The following LBX1 variants were observed in gnomAD, a reference collection of about 807,000 sequenced individuals.
The protein encoded by LBX1 is transcription factor LBX1.
LBX1 carries 6 observed loss-of-function variants against 19.9 expected under a neutral mutation model. That is an observed-to-expected ratio of 0.30 (90% CI 0.17 to 0.60). The LOEUF is 0.60. Among genes scored for constraint, LBX1 ranks in the 20% least tolerant of loss-of-function variants. The probability of loss-of-function intolerance (pLI) is 0.87; values close to 1 mark genes in which losing one functional copy is unlikely to be tolerated. For synonymous variants in LBX1, 190 were observed against 189.3 expected (o/e 1.00, Z -0.03); for missense variants, 344 against 393.7 (o/e 0.87, Z 1.07).
Position 101,228,973 on chromosome 10 carries a change from G to T in LBX1, c.-158C>A. 2 of 254,840 alleles carry T rather than the reference G, an allele frequency of 7.8e-6. No individual in the cohort carries two copies. Among genetic ancestry groups the T allele is most frequent in the South Asian group, 1.5e-4 (1 of 6,892 alleles). 15.8% of individuals were successfully genotyped at this position (254,840 alleles called of 1,614,324 possible). On this transcript the variant is annotated 5_prime_UTR_variant, in exon 1 of 2. Transcript: ENST00000370193. Reference sequence around the variant, plus strand: ...CGGGCGCGGGGCCGATTAGCGCGGCGGCTGAGGAGGGGAGAACAGCGCGGG... The same window carrying T: ...CGGGCGCGGGGCCGATTAGCGCGGCTGCTGAGGAGGGGAGAACAGCGCGGG...
chr10:101,228,840 C>T lies in LBX1; in HGVS notation c.-25G>A. On this transcript the variant is annotated 5_prime_UTR_variant, in exon 1 of 2. Transcript: ENST00000370193. The stretch of plus-strand genomic sequence containing the variant: ...TCTCGGCCTTGTTCGGGGTCCCGGC[C>T]GGGGCGGCTCGGGCCGCGGGGACCC... 1 of 1,430,190 alleles carries T rather than the reference C, an allele frequency of 7.0e-7. No individual in the cohort carries two copies. The highest frequency in any genetic ancestry group is 1.7e-5 in the South Asian group (1 of 60,462). 88.6% of individuals were successfully genotyped at this position (1,430,190 alleles called of 1,614,324 possible).
chr10:101,228,349 C>A (rs1196633497), intron 1 of LBX1, 142 bp downstream of exon 1: 3 of 622,008 alleles, frequency 4.8e-6, no homozygotes, highest in Non-Finnish European at 8.1e-6. Context: ...TCCCACATAT[C>A]TTCACTCCCA....
At position 101,228,676 on chromosome 10, in the gene LBX1, A is replaced by C. The variant is rs1941076411; in HGVS notation, c.140T>G (p.Val47Gly). 1 of 1,606,666 alleles carries C rather than the reference A, an allele frequency of 6.2e-7. No individual in the cohort carries two copies. Among genetic ancestry groups the C allele is most frequent in the African/African-American group, 1.4e-5 (1 of 74,044 alleles). ...CCCGCACAGCGAGTAACTTCTCCGC[A>C]CAGACGGCTTGTTGAGGATGTCCTC... ...SIEDILNKPS[V>G]RRSYSLCGAA... The change falls in exon 1 of 2, where the codon GTG (valine) becomes GGG (glycine). Residue 47 changes from valine to glycine, a missense_variant. Val to Gly is a moderately radical substitution (Grantham distance 109). Transcript: ENST00000370193.
chr10:101,228,760 G>C lies in LBX1; in HGVS notation c.56C>G (p.Pro19Arg), dbSNP rs755002388. Residue 19 changes from proline (P) to arginine (R), a missense_variant, in exon 1 of 2, where the codon CCG (proline) becomes CGG (arginine). Coordinates refer to ENST00000370193, the MANE Select transcript of LBX1 (RefSeq NM_006562.5). ...AAPGEERRRS[P>R]LDHLPPPANS... Reference sequence around the variant, plus strand: ...GGCAGGCGGAGGCAGGTGGTCCAGCGGGCTGCGCCGCCGCTCCTCCCCCGG... The same window carrying C: ...GGCAGGCGGAGGCAGGTGGTCCAGCCGGCTGCGCCGCCGCTCCTCCCCCGG... 6.3e-7 allele frequency: 1 copy of C among 1,599,558 alleles called. No individual in the cohort carries two copies. Among genetic ancestry groups the C allele is most frequent in the South Asian group, 1.1e-5 (1 of 89,174 alleles).
rs1381257628 is a variant in LBX1, at chr10:101,229,195, G to T, written c.-380C>A. ...TTGGAAGAGCCGAGGCGAGGGCGCC[G>T]ATCCCGGACTGCGAGGGAGGCGGAG... On this transcript the variant is annotated 5_prime_UTR_variant, in exon 1 of 2. Transcript: ENST00000370193. The surrounding 1 kb of genome is among the most constrained non-coding windows in gnomAD (Gnocchi z 6.4). 6.5e-6 allele frequency: 1 copy of T among 153,600 alleles called. No homozygotes were observed. The highest frequency in any genetic ancestry group is 1.9e-4 in the East Asian group (1 of 5,228). The allele number at this position is 153,600 out of a possible 1,614,324, so 9.5% of individuals were successfully genotyped here.
In LBX1 at chr10:101,227,209, C is replaced by T; in HGVS notation, c.*61G>A. 2 of 1,528,990 alleles carry T rather than the reference C, an allele frequency of 1.3e-6. No individual in the cohort carries two copies. The highest frequency in any genetic ancestry group is 2.4e-5 in the South Asian group (2 of 83,782). The allele number at this position is 1,528,990 out of a possible 1,614,324, so 94.7% of individuals were successfully genotyped here. A position where few individuals can be genotyped will look rare whatever the true frequency, so the allele number is the denominator to read the frequency against. On this transcript the variant is annotated 3_prime_UTR_variant, in exon 2 of 2. Transcript: ENST00000370193. ...CCCAGCTCCCCTCGGCGGTCCGGTC[C>T]GGGAGGCGTTGGGCTTTCGAGCGCT...
Position 101,227,356 on chromosome 10 carries a change from G to T in LBX1, c.760C>A (p.Pro254Thr), listed in dbSNP as rs1276899630. ...APGAGALQLS[P>T]ASPLTDQPAS... ...GGCTGGTCCGTGAGCGGAGAGGCAG[G>T]CGAGAGCTGCAGGGCGCCAGCGCCC... The change falls in exon 2 of 2, where the codon CCT (proline) becomes ACT (threonine). Residue 254 changes from proline (P) to threonine (T), a missense_variant. Around this residue, in one of 3 missense-constraint regions of LBX1, gnomAD observed 146 missense variants for 124.2 expected, o/e 1.18. Coordinates refer to ENST00000370193, the MANE Select transcript of LBX1 (RefSeq NM_006562.5). 6.2e-7 allele frequency: 1 copy of T among 1,608,382 alleles called. No homozygotes were observed. The highest frequency in any genetic ancestry group is 1.3e-5 in the African/African-American group (1 of 74,600).
At position 101,227,020 on chromosome 10, in the gene LBX1, A is replaced by G. The variant is rs1941050488; in HGVS notation, c.*250T>C. 3 of 420,506 alleles carry G rather than the reference A, an allele frequency of 7.1e-6. No homozygotes were observed. The highest frequency in any genetic ancestry group is 8.4e-6 in the Non-Finnish European group (2 of 239,160). 26.0% of individuals were successfully genotyped at this position (420,506 alleles called of 1,614,324 possible). The stretch of plus-strand genomic sequence containing the variant: ...AGGTTTAAATATTTATATAGAAGCC[A>G]TACAGAATTGCACGGCGAGGGCTTC... On this transcript the variant is annotated 3_prime_UTR_variant, in exon 2 of 2. Coordinates refer to ENST00000370193, the MANE Select transcript of LBX1 (RefSeq NM_006562.5).
rs1368924389 is a variant in LBX1, at chr10:101,228,633, G to C, written c.183C>G (p.Ala61=). ...CGCCCTGCGCGTGCTTGTCCGCGGC[G>C]GCCAGCAGGTGCGCCGCCCCGCACA... The part of the protein sequence containing the change: ...YSLCGAAHLL[A]AADKHAQGGL... The change falls in exon 1 of 2, where the codon GCC becomes GCG. Residue 61 remains alanine (A), a synonymous_variant. Coordinates refer to ENST00000370193, the MANE Select transcript of LBX1 (RefSeq NM_006562.5). 2 of 1,583,308 alleles carry C rather than the reference G, an allele frequency of 1.3e-6. No homozygotes were observed. The highest frequency in any genetic ancestry group is 1.7e-6 in the Non-Finnish European group (2 of 1,166,010).
rs1212049679 is a variant in LBX1, at chr10:101,228,474, C to A, written c.325+17G>T. 2 of 1,540,258 alleles carry A rather than the reference C, an allele frequency of 1.3e-6. No homozygotes were observed. On this transcript the variant is annotated intron_variant, in intron 1 of 1. Transcript: ENST00000370193. ...CGCGAGGCGCTGGGTGCAGGGGAAC[C>A]CAGCAGCTGCGCCTACCTTCGGCTG...
Position 101,228,731 on chromosome 10 carries a change from A to G in LBX1, c.85T>C (p.Ser29Pro), listed in dbSNP as rs1448856637. The change falls in exon 1 of 2, where the codon TCC becomes CCC. Residue 29 changes from serine (S) to proline (P), a missense_variant. Around this residue, in one of 3 missense-constraint regions of LBX1, gnomAD observed 153 missense variants for 168.9 expected, o/e 0.91. Transcript: ENST00000370193. ...PLDHLPPPAN[S>P]NKPLTPFSIE... Reference sequence around the variant, plus strand: ...CTGAACGGCGTCAGTGGCTTGTTGGAGTTGGCAGGCGGAGGCAGGTGGTCC... The same window carrying G: ...CTGAACGGCGTCAGTGGCTTGTTGGGGTTGGCAGGCGGAGGCAGGTGGTCC... 6.2e-7 allele frequency: 1 copy of G among 1,604,842 alleles called. No homozygotes were observed. Among genetic ancestry groups the G allele is most frequent in the South Asian group, 1.1e-5 (1 of 89,758 alleles).
Position 101,227,491 on chromosome 10 carries a change from C to A in LBX1, c.625G>T (p.Ala209Ser). 6.2e-7 allele frequency: 1 copy of A among 1,610,442 alleles called. No individual in the cohort carries two copies. Among genetic ancestry groups the A allele is most frequent in the Non-Finnish European group, 8.5e-7 (1 of 1,177,846 alleles). Residue 209 changes from alanine to serine, a missense_variant, in exon 2 of 2, where the codon GCC (alanine) becomes TCC (serine). Transcript: ENST00000370193. ...PSGQMDIVAL[A>S]ELEQNSEATA... ...GCCTCCGAGTTCTGCTCGAGTTCGG[C>A]CAGCGCCACGATGTCCATCTGCCCG... is the stretch of plus-strand genomic sequence containing the variant.
At position 101,227,496 on chromosome 10, in the gene LBX1, G is replaced by A. The variant is rs141719108; in HGVS notation, c.620C>T (p.Ala207Val). Residue 207 changes from alanine to valine, a missense_variant, in exon 2 of 2, where the codon GCG (alanine) becomes GTG (valine). Physicochemically the swap from Ala to Val is moderately conservative, Grantham distance 64. This residue lies in a region of LBX1 where 146 missense variants were observed against 124.2 expected (regional missense o/e 1.18). Coordinates refer to ENST00000370193, the MANE Select transcript of LBX1 (RefSeq NM_006562.5). ...LGPSGQMDIV[A>V]LAELEQNSEA... is the part of the protein sequence containing the mutation. ...CGAGTTCTGCTCGAGTTCGGCCAGCGCCACGATGTCCATCTGCCCGCTGGG... is the reference window on the plus strand; with the variant it reads ...CGAGTTCTGCTCGAGTTCGGCCAGCACCACGATGTCCATCTGCCCGCTGGG... 284 of 1,610,846 alleles carry A rather than the reference G, an allele frequency of 1.8e-4. 1 individual carries two copies. The highest frequency in any genetic ancestry group is 1.9e-4 in the South Asian group (17 of 91,046).
chr10:101,227,703 T>C lies in LBX1; in HGVS notation c.413A>G (p.Tyr138Cys). Residue 138 changes from tyrosine (Y) to cysteine (C), a missense_variant, in exon 2 of 2, where the codon TAT becomes TGT. Physicochemically the swap from Tyr to Cys is radical, Grantham distance 194. Transcript: ENST00000370193. ...SRTAFTNHQI[Y>C]ELEKRFLYQK... The stretch of plus-strand genomic sequence containing the variant: ...GTATAGAAAGCGCTTTTCCAATTCA[T>C]AGATCTGGTGGTTGGTGAAGGCCGT... 1 of 1,613,708 alleles carries C rather than the reference T, an allele frequency of 6.2e-7. No homozygotes were observed. Among genetic ancestry groups the C allele is most frequent in the Non-Finnish European group, 8.5e-7 (1 of 1,179,886 alleles).
chr10:101,227,292 T>C lies in LBX1; in HGVS notation c.824A>G (p.Glu275Gly), dbSNP rs1356951609. 6.2e-7 allele frequency: 1 copy of C among 1,607,022 alleles called. No homozygotes were observed. The highest frequency in any genetic ancestry group is 1.7e-5 in the Admixed American group (1 of 59,744). Residue 275 changes from glutamate to glycine, a missense_variant, in exon 2 of 2, where the codon GAA becomes GGA. Transcript: ENST00000370193. ...CGCTCAATCGTCCACGTCGATCTCTTCGTCTTCCTCGTCCTCCGAGCAGTC... is the reference window on the plus strand; with the variant it reads ...CGCTCAATCGTCCACGTCGATCTCTCCGTCTTCCTCGTCCTCCGAGCAGTC... ...SQDCSEDEED[E>G]EIDVDD
chr10:101,228,650 C>G lies in LBX1; in HGVS notation c.166G>C (p.Ala56Pro). Residue 56 changes from alanine to proline, a missense_variant, in exon 1 of 2, where the codon GCG (alanine) becomes CCG (proline). Coordinates refer to ENST00000370193, the MANE Select transcript of LBX1 (RefSeq NM_006562.5). Reference protein sequence around the residue: ...SVRRSYSLCGAAHLLAAADKH... With the variant: ...SVRRSYSLCGPAHLLAAADKH... ...TCCGCGGCGGCCAGCAGGTGCGCCG[C>G]CCCGCACAGCGAGTAACTTCTCCGC... is the stretch of plus-strand genomic sequence containing the variant. 2 of 1,595,314 alleles carry G rather than the reference C, an allele frequency of 1.3e-6. No homozygotes were observed. Among genetic ancestry groups the G allele is most frequent in the Non-Finnish European group, 8.5e-7 (1 of 1,172,426 alleles).
At chr10:101,228,401 GGCAGAGGCGA>G in intron 1 of LBX1, 80 bp downstream of exon 1, 1 of 1,023,192 alleles carries the variant, frequency 9.8e-7, no homozygotes. Flanking sequence ...GGCCGGAGAG[GGCAGAGGCGA>G]GCAGAGGCAT....
rs974193892 is a variant in LBX1, at chr10:101,227,120, C to T, written c.*150G>A. The T allele has an allele frequency of 4.1e-6, 3 of 737,614 alleles. No homozygotes were observed. The highest frequency in any genetic ancestry group is 1.9e-5 in the African/African-American group (1 of 53,412). The allele number at this position is 737,614 out of a possible 1,614,324, so 45.7% of individuals were successfully genotyped here. On this transcript the variant is annotated 3_prime_UTR_variant, in exon 2 of 2. Coordinates refer to ENST00000370193, the MANE Select transcript of LBX1 (RefSeq NM_006562.5). Reference sequence around the variant, plus strand: ...GTTTATTGCTTCGAGAGGGAAGAGGCGGCTGCCAGGAGCCGAGTCCGGGGC... The same window carrying T: ...GTTTATTGCTTCGAGAGGGAAGAGGTGGCTGCCAGGAGCCGAGTCCGGGGC...
chr10:101,229,412 T>A lies in LBX1; in HGVS notation c.-597A>T. The A allele has an allele frequency of 4.6e-6, 1 of 216,398 alleles. No individual in the cohort carries two copies. The highest frequency in any genetic ancestry group is 9.4e-6 in the Non-Finnish European group (1 of 106,874). 13.4% of individuals were successfully genotyped at this position (216,398 alleles called of 1,614,324 possible). ...CTCTTCTCTGCTCCCCCCTTCTCTC[T>A]CCTTCTCTCCCTCTCCCTCGCCCTC... is the stretch of plus-strand genomic sequence containing the variant. On this transcript the variant is annotated 5_prime_UTR_variant, in exon 1 of 2. Coordinates refer to ENST00000370193, the MANE Select transcript of LBX1 (RefSeq NM_006562.5). The surrounding 1 kb of genome is among the most constrained non-coding windows in gnomAD (Gnocchi z 6.4).
Sources: gnomAD v4.1 joint callset for allele counts on GRCh38, gnomAD v4.1.1 for gene constraint, gnomAD v4.1.1 regional missense constraint, Gnocchi (gnomAD v3.1) non-coding constraint, MANE v1.5 for transcripts, NCBI Gene and HGNC (gene_info 2026-07-23, HGNC 2026-07-21) for gene names.